The following SH3GL1 variants were observed in gnomAD, a reference collection of about 807,000 sequenced individuals.
SH3GL1 encodes endophilin-A2.
Under a neutral mutation model 48.8 loss-of-function variants are expected in SH3GL1, and 21 were observed. The ratio of observed to expected loss-of-function variants is 0.43; its 90% CI spans 0.30 to 0.62. The LOEUF (loss-of-function observed/expected upper bound fraction) is 0.62. Among genes scored for constraint, SH3GL1 ranks in the 20% least tolerant of loss-of-function variants. The probability of loss-of-function intolerance (pLI) is 0.11; values close to 1 mark genes in which losing one functional copy is unlikely to be tolerated. For missense variants in SH3GL1, 454 were observed against 503.0 expected (o/e 0.90, Z 0.93); for synonymous variants, 282 against 217.5 (o/e 1.30, Z -2.61).
intron 1 of SH3GL1, among the ~76,000 whole-genome samples, chr19:4,370,652 A>C (rs940338951): frequency 2.0e-5 from 3 of 152,232 alleles, no homozygotes; most frequent in African/African-American, 7.2e-5. Flanking sequence ...CCATGCCTGG[A>C]ACAAACAGGC....
rs1471718756 is a variant in SH3GL1 at position 4,361,118 on chromosome 19, T to G, written c.*482A>C. ...CCAGGGCCCATCACCAGCACCAGGC[T>G]GGGAGGGATTTAAAACCAGGGTCCT... is the stretch of plus-strand genomic sequence containing the variant. On this transcript the variant is annotated 3_prime_UTR_variant, in exon 10 of 10. Coordinates refer to ENST00000269886, the MANE Select transcript of SH3GL1 (RefSeq NM_003025.4). 1 of 250,786 alleles carries G rather than the reference T, an allele frequency of 4.0e-6. No homozygotes were observed. Among genetic ancestry groups the G allele is most frequent in the African/African-American group, 2.2e-5 (1 of 45,548 alleles). The allele number at this position is 250,786 out of a possible 1,614,324, so 15.5% of individuals were successfully genotyped here. A position where few individuals can be genotyped will look rare whatever the true frequency, so the allele number is the denominator to read the frequency against.
chr19:4,370,274 G>C (rs1026510292), intron 1 of SH3GL1, among the ~76,000 whole-genome samples: 1 of 152,226 alleles, frequency 6.6e-6, no homozygotes, highest in African/African-American at 2.4e-5. Flanking sequence ...CATTCCTGCC[G>C]AGGGAGACTC....
At chr19:4,394,148 C>G (rs1228206576) in intron 1 of SH3GL1, among the ~76,000 whole-genome samples, 2 of 136,612 alleles carry the variant, frequency 1.5e-5, no homozygotes, top group African/African-American at 5.5e-5. Flanking sequence ...AAAAAAAAAG[C>G]CAGCATTCCA....
rs1386722676 is a variant in SH3GL1 at position 4,360,959 on chromosome 19, G to C, written c.*641C>G. 8.6e-6 allele frequency: 2 copies of C among 233,590 alleles called. No homozygotes were observed. The highest frequency in any genetic ancestry group is 4.4e-5 in the African/African-American group (2 of 45,348). 14.5% of individuals were successfully genotyped at this position (233,590 alleles called of 1,614,324 possible). A position where few individuals can be genotyped will look rare whatever the true frequency, so the allele number is the denominator to read the frequency against. On this transcript the variant is annotated 3_prime_UTR_variant, in exon 10 of 10. Transcript: ENST00000269886. ...CAGGAGACCATGTTCTCTGTCCTCA[G>C]GCAGATCCCAGCTGGCCTCTGTCCC...
At chr19:4,370,773 G>T (rs1972883766) in intron 1 of SH3GL1, among the ~76,000 whole-genome samples, 1 of 152,242 alleles carries the variant, frequency 6.6e-6, no homozygotes, top group Admixed American at 6.5e-5. Flanking sequence ...AGTGAGGTTT[G>T]GCCAACCCTG....
chr19:4,375,345 G>A (rs1307634489), intron 1 of SH3GL1, among the ~76,000 whole-genome samples: 1 of 152,240 alleles, frequency 6.6e-6, no homozygotes, highest in Non-Finnish European at 1.5e-5. Context: ...GGAGTGGCTA[G>A]GAAGGTCAAG....
In SH3GL1 at chr19:4,360,634, C is replaced by T. The variant is rs571437446; in HGVS notation, c.*966G>A. 4.5e-4 allele frequency: 105 copies of T among 233,380 alleles called. 1 individual carries two copies. Among genetic ancestry groups the T allele is most frequent in the African/African-American group, 2.1e-3 (97 of 45,448 alleles). 14.5% of individuals were successfully genotyped at this position (233,380 alleles called of 1,614,324 possible). A position where few individuals can be genotyped will look rare whatever the true frequency, so the allele number is the denominator to read the frequency against. On this transcript the variant is annotated 3_prime_UTR_variant, in exon 10 of 10. Coordinates refer to ENST00000269886, the MANE Select transcript of SH3GL1 (RefSeq NM_003025.4). Reference sequence around the variant, plus strand: ...GCGATAGAGGAAGCAGATGTCGGGGCTGCCTGCCTTGGTCTAGAGGAGATG... The same window carrying T: ...GCGATAGAGGAAGCAGATGTCGGGGTTGCCTGCCTTGGTCTAGAGGAGATG...
intron 1 of SH3GL1, among the ~76,000 whole-genome samples, chr19:4,398,861 C>A (rs1040026902): frequency 3.3e-5 from 5 of 152,296 alleles, no homozygotes; most frequent in African/African-American, 1.2e-4. Context: ...TCTGGGAATT[C>A]ATCCTATAAA....
At chr19:4,397,388 G>T (rs970914836) in intron 1 of SH3GL1, among the ~76,000 whole-genome samples, 2 of 152,200 alleles carry the variant, frequency 1.3e-5, no homozygotes, top group African/African-American at 4.8e-5. Flanking sequence ...TCACAGATCT[G>T]AACGCAGGTC....
At chr19:4,379,603 G>C (rs1973080032) in intron 1 of SH3GL1, among the ~76,000 whole-genome samples, 1 of 152,032 alleles carries the variant, frequency 6.6e-6, no homozygotes, top group Admixed American at 6.6e-5. Context: ...CTGCATTCCT[G>C]TCTTCCTACC....
intron 3 of SH3GL1, 86 bp from the exon 4 acceptor site, chr19:4,365,711 A>G (rs1972762690): frequency 2.5e-6 from 4 of 1,576,796 alleles, no homozygotes; most frequent in African/African-American, 1.3e-5. Flanking sequence ...TCTCCTCCCC[A>G]CCCTTGCTTC....
intron 9 of SH3GL1, 84 bp downstream of exon 9, chr19:4,362,245 A>G (rs1972637760): frequency 1.8e-5 from 25 of 1,364,756 alleles, no homozygotes; most frequent in Non-Finnish European, 2.3e-5. Flanking sequence ...TGAGATGGGC[A>G]GAGAACAGGG....
rs532412818 is a variant in SH3GL1 at position 4,375,303 on chromosome 19, G to A, written c.46-8309C>T. ...ATAAACAGGACAGCTAAGGGCCTAG[G>A]AGAGACATGCCTGGCCCAAGGCCAG... On this transcript the variant is annotated intron_variant, in intron 1 of 9. Transcript: ENST00000269886. Among the ~76,000 whole-genome samples the A allele has an allele frequency of 1.2e-4, 19 of 152,348 alleles. 1 individual carries two copies. In the South Asian group the frequency reaches 3.5e-3, roughly 28 times the overall value.
intron 1 of SH3GL1, among the ~76,000 whole-genome samples, chr19:4,388,127 G>A (rs1204945726): frequency 1.3e-5 from 2 of 152,154 alleles, no homozygotes; most frequent in African/African-American, 4.8e-5. Context: ...CCAAAGTGCT[G>A]GGATTACAGG....
rs528224791 is a variant in SH3GL1, at chr19:4,400,288, G to A, written c.45+36C>T. 5.7e-6 allele frequency: 9 copies of A among 1,586,130 alleles called. No homozygotes were observed. In the Admixed American group the frequency reaches 6.8e-5, roughly 12 times the overall value. Reference sequence around the variant, plus strand: ...GGCTCCCTCATCCGGGCAGCCCGGGGCCCGGTACTCGGCTCCCGCCTGGGC... The same window carrying A: ...GGCTCCCTCATCCGGGCAGCCCGGGACCCGGTACTCGGCTCCCGCCTGGGC... On this transcript the variant is annotated intron_variant, in intron 1 of 9. Coordinates refer to ENST00000269886, the MANE Select transcript of SH3GL1 (RefSeq NM_003025.4). The surrounding 1 kb of genome is among the most constrained non-coding windows in gnomAD (Gnocchi z 4.1).
intron 1 of SH3GL1, among the ~76,000 whole-genome samples, chr19:4,380,913 C>T (rs1178623044): frequency 2.0e-5 from 3 of 152,134 alleles, no homozygotes; most frequent in Admixed American, 6.5e-5. Flanking sequence ...CTGGATGGAA[C>T]CCCAGCTCTT....
At chr19:4,396,766 A>G (rs956538586) in intron 1 of SH3GL1, among the ~76,000 whole-genome samples, 1 of 152,168 alleles carries the variant, frequency 6.6e-6, no homozygotes, top group Non-Finnish European at 1.5e-5. Flanking sequence ...GCACCGGAGG[A>G]TGTCCAGCAA....
In SH3GL1 at chr19:4,364,181, C is replaced by T. The variant is rs748562196; in HGVS notation, c.372G>A (p.Leu124=). The T allele has an allele frequency of 6.2e-7, 1 of 1,613,946 alleles. No homozygotes were observed. The highest frequency in any genetic ancestry group is 1.3e-5 in the African/African-American group (1 of 75,050). The change falls in exon 5 of 10, where the codon CTG becomes CTA. Residue 124 remains leucine, a synonymous_variant. Coordinates refer to ENST00000269886, the MANE Select transcript of SH3GL1 (RefSeq NM_003025.4). ...LLDAGESMKR[L]AEVKDSLDIE... is the part of the protein sequence containing the mutation. ...TGTCCAGGGAGTCCTTCACCTCTGCCAGGCGCTTCATGGACTCGCCGGCAT... is the reference window on the plus strand; with the variant it reads ...TGTCCAGGGAGTCCTTCACCTCTGCTAGGCGCTTCATGGACTCGCCGGCAT...
chr19:4,386,848 A>G (rs55637375), intron 1 of SH3GL1, among the ~76,000 whole-genome samples: 32,738 of 152,188 alleles, frequency 0.22, 3,872 homozygotes, highest in Admixed American at 0.28. Context: ...TCCGTGAGGC[A>G]TTTCCCACAG....
Sources: allele counts gnomAD v4.1 joint callset (sites outside exome capture counted in the v4.1 genomes callset), GRCh38; gene constraint gnomAD v4.1.1; non-coding constraint Gnocchi (gnomAD v3.1); transcripts MANE v1.5; gene names NCBI Gene and HGNC (gene_info 2026-07-23, HGNC 2026-07-21).